The following PTBP3 variants were observed in gnomAD, a reference collection of about 807,000 sequenced individuals.
The protein encoded by PTBP3 is polypyrimidine tract-binding protein 3.
PTBP3 carries 20 observed loss-of-function variants against 58.7 expected under a neutral mutation model. The ratio of observed to expected loss-of-function variants is 0.34; its 90% CI spans 0.24 to 0.50. The LOEUF is 0.50. PTBP3 is among the 20% of genes least tolerant of loss of function. The pLI, the probability that PTBP3 is intolerant of heterozygous loss-of-function variation, is 0.98. For synonymous variants in PTBP3, 185 were observed against 219.8 expected (o/e 0.84, Z 1.40); for missense variants, 509 against 637.2 (o/e 0.80, Z 2.17).
the PTBP3 span, among the ~76,000 whole-genome samples, chr9:112,370,796 C>T: frequency 0.26 from 40,138 of 152,020 alleles, 5,943 homozygotes; most frequent in African/African-American, 0.37. Context: ...AGGTCTTCTT[C>T]AGTTTCTTTC....
chr9:112,346,449 G>A, the PTBP3 span, among the ~76,000 whole-genome samples: 1 of 152,238 alleles, frequency 6.6e-6, no homozygotes, highest in African/African-American at 2.4e-5. Flanking sequence ...TTACAGGCAT[G>A]AGCCACCACA....
upstream of PTBP3, among the ~76,000 whole-genome samples, chr9:112,336,316 T>C (rs1260370837): frequency 6.6e-6 from 1 of 152,180 alleles, no homozygotes; most frequent in Non-Finnish European, 1.5e-5. Flanking sequence ...ATCTGAGGAA[T>C]AGATCCCTAG....
At chr9:112,371,756 C>G in the PTBP3 span, among the ~76,000 whole-genome samples, 1 of 147,204 alleles carries the variant, frequency 6.8e-6, no homozygotes, top group Non-Finnish European at 1.5e-5. Context: ...TTTTTTGAGA[C>G]AGCATCTCAC....
the PTBP3 span, among the ~76,000 whole-genome samples, chr9:112,366,787 C>T: frequency 6.3e-4 from 96 of 152,250 alleles, no homozygotes; most frequent in Non-Finnish European, 1.2e-3. Flanking sequence ...AGAGGGCTAC[C>T]GTCTTCCAGG....
chr9:112,365,503 T>G, the PTBP3 span, among the ~76,000 whole-genome samples: 1 of 152,228 alleles, frequency 6.6e-6, no homozygotes, highest in Admixed American at 6.5e-5. Flanking sequence ...TTCATGACTG[T>G]GAGGCTTCCC....
In PTBP3 at chr9:112,224,423, G is replaced by C. The variant is rs1224476497; in HGVS notation, c.1365-213C>G. Among the ~76,000 whole-genome samples the C allele has an allele frequency of 3.9e-5, 6 of 152,330 alleles. No homozygotes were observed. The East Asian group carries it at 9.6e-4, about 24-fold the overall frequency. On this transcript the variant is annotated intron_variant, in intron 12 of 13. Transcript: ENST00000374257. ...TTGTCTCAATCCTTGCAGAAGACAT[G>C]TGCAGGTATATAAAGGGCAAGAAAA...
chr9:112,221,798 A>G lies in PTBP3; in HGVS notation c.*2053T>C, dbSNP rs1834817461. 1 of 985,070 alleles carries G rather than the reference A, an allele frequency of 1.0e-6. No homozygotes were observed. Among genetic ancestry groups the G allele is most frequent in the African/African-American group, 1.7e-5 (1 of 57,232 alleles). 61.0% of individuals were successfully genotyped at this position (985,070 alleles called of 1,614,324 possible). On this transcript the variant is annotated 3_prime_UTR_variant, in exon 14 of 14. Coordinates refer to ENST00000374257, the MANE Select transcript of PTBP3 (RefSeq NM_001163788.4). ...GTGAGTGAATTCTGCTTTTTAAACA[A>G]TCTGTATCATCTCTTGCAGTCTCTA...
the PTBP3 span, among the ~76,000 whole-genome samples, chr9:112,358,283 C>G: frequency 4.6e-5 from 7 of 152,266 alleles, no homozygotes; most frequent in East Asian, 1.2e-3. Flanking sequence ...GTCCTCTAAC[C>G]TGGGAGACAG....
chr9:112,358,936 G>C, the PTBP3 span, among the ~76,000 whole-genome samples: 1 of 152,164 alleles, frequency 6.6e-6, no homozygotes. Flanking sequence ...CTGGGCTCAA[G>C]CGATCCTCCC....
At chr9:112,287,082 T>C (rs2132261322) in intron 2 of PTBP3, among the ~76,000 whole-genome samples, 1 of 152,318 alleles carries the variant, frequency 6.6e-6, no homozygotes, top group East Asian at 1.9e-4. Context: ...TCTGCATTCC[T>C]GGTTTTCAGC....
chr9:112,223,947 A>C lies in PTBP3; in HGVS notation c.1479T>G (p.Ser493=), dbSNP rs1834888417. The C allele has an allele frequency of 1.2e-6, 2 of 1,613,586 alleles. No individual in the cohort carries two copies. The highest frequency in any genetic ancestry group is 2.2e-5 in the East Asian group (1 of 44,822). ...TGAGGGCCTGAATTGCTTCTTCCAC[A>C]GATCCCAATTGAATGAGCGCCATTT... ...DRKMALIQLG[S]VEEAIQALIE... is the part of the protein sequence containing the mutation. The change falls in exon 14 of 14, where the codon TCT becomes TCG. Residue 493 remains serine (S), a synonymous_variant. Coordinates refer to ENST00000374257, the MANE Select transcript of PTBP3 (RefSeq NM_001163788.4).
chr9:112,369,767 G>C, the PTBP3 span, among the ~76,000 whole-genome samples: 1 of 152,060 alleles, frequency 6.6e-6, no homozygotes, highest in African/African-American at 2.4e-5. Flanking sequence ...GAGAGGCCAG[G>C]GACAGAATGA....
chr9:112,266,656 G>A (rs1298787805), intron 4 of PTBP3, among the ~76,000 whole-genome samples: 1 of 152,140 alleles, frequency 6.6e-6, no homozygotes, highest in African/African-American at 2.4e-5. Context: ...ATTTAAAGCT[G>A]ATGAGGTAAT....
At chr9:112,314,650 C>T (rs1564457157) in intron 1 of PTBP3, among the ~76,000 whole-genome samples, 1 of 152,138 alleles carries the variant, frequency 6.6e-6, no homozygotes. Context: ...GAGCGAGACC[C>T]TGTCTCAAAC....
At chr9:112,236,542 G>A (rs1835444753) in intron 7 of PTBP3, among the ~76,000 whole-genome samples, 1 of 152,162 alleles carries the variant, frequency 6.6e-6, no homozygotes, top group Admixed American at 6.5e-5. Context: ...ATCTACACTA[G>A]AAAGGCTAAA....
At chr9:112,364,177 CTTTTTTTTTTTTTTTTT>C in the PTBP3 span, among the ~76,000 whole-genome samples, 4 of 73,502 alleles carry the variant, frequency 5.4e-5, no homozygotes, top group African/African-American at 1.7e-4. Flanking sequence ...TAGGTCAGTT[CTTTTTTTTTTTTTTTTT>C]TTTTTTTTTT....
intron 1 of PTBP3, among the ~76,000 whole-genome samples, chr9:112,321,177 C>T (rs1053433244): frequency 3.9e-5 from 6 of 151,982 alleles, no homozygotes; most frequent in African/African-American, 1.5e-4. Context: ...AATATAAACC[C>T]TATTTGAAAG....
intron 2 of PTBP3, among the ~76,000 whole-genome samples, chr9:112,294,777 A>T (rs1026346212): frequency 4.6e-5 from 7 of 152,344 alleles, no homozygotes; most frequent in Admixed American, 2.6e-4. Flanking sequence ...AAAATTACTA[A>T]GACATTTTAG....
chr9:112,296,800 A>G (rs1828708975), intron 2 of PTBP3, among the ~76,000 whole-genome samples: 1 of 152,224 alleles, frequency 6.6e-6, no homozygotes, highest in African/African-American at 2.4e-5. Flanking sequence ...ACAACCATTC[A>G]TTACCATTCA....
Sources: allele counts gnomAD v4.1 joint callset (sites outside exome capture counted in the v4.1 genomes callset), GRCh38; gene constraint gnomAD v4.1.1; transcripts MANE v1.5; gene names NCBI Gene and HGNC (gene_info 2026-07-23, HGNC 2026-07-21).